Variants in BCL2L13 observed in about 807,000 individuals in gnomAD.
The protein encoded by BCL2L13 is bcl-2-like protein 13.
BCL2L13 carries 13 observed loss-of-function variants against 25.8 expected under a neutral mutation model. The observed-to-expected ratio is 0.50, with a 90% CI of 0.33 to 0.80. BCL2L13 has a LOEUF of 0.80. Ranked by LOEUF, BCL2L13 falls within the 30% of genes least tolerant of loss-of-function variation. BCL2L13 has a pLI of 0.02. For missense variants in BCL2L13, 504 were observed against 574.9 expected, an observed-to-expected ratio of 0.88 and a Z score of 1.26; for synonymous variants, 244 against 230.3, an observed-to-expected ratio of 1.06 and a Z score of -0.54.
At chr22:17,693,372 G>GTTTGGTTT (rs1284865411) in intron 4 of BCL2L13, among the ~76,000 whole-genome samples, 1,154 of 70,604 alleles carry the variant, frequency 0.016, 83 homozygotes, top group African/African-American at 0.057. Flanking sequence ...TTTAGTGTTT[G>GTTTGGTTT]TTTTTTTTTT....
Position 17,727,847 on chromosome 22 carries a change from T to G in BCL2L13, c.*313T>G. The G allele has an allele frequency of 2.7e-6, 1 of 372,196 alleles. No homozygotes were observed. Among genetic ancestry groups the G allele is most frequent in the Non-Finnish European group, 5.0e-6 (1 of 200,996 alleles). The allele number at this position is 372,196 out of a possible 1,614,324, so 23.1% of individuals were successfully genotyped here. ...ACCATTCTCTGTGTTGGGGCTGTCC[T>G]GTGTGTGGTGGGCTCCACCCACTAG... is the stretch of plus-strand genomic sequence containing the variant. On this transcript the variant is annotated 3_prime_UTR_variant, in exon 7 of 7. Transcript: ENST00000317582.
rs2061363350 is a variant in BCL2L13, at chr22:17,729,206, T to C, written c.*1672T>C. The C allele has an allele frequency of 6.6e-6, 1 of 152,244 alleles. No individual in the cohort carries two copies. 9.4% of individuals were successfully genotyped at this position (152,244 alleles called of 1,614,324 possible). ...TTCAAATAAAATCTCCCTAAAGCAA[T>C]ATTTAAAAATTGGTCAAAACAAGGT... On this transcript the variant is annotated 3_prime_UTR_variant, in exon 7 of 7. Transcript: ENST00000317582.
chr22:17,630,514 G>A (rs1256193251), intron 1 of BCL2L13, among the ~76,000 whole-genome samples: 2 of 151,378 alleles, frequency 1.3e-5, no homozygotes, highest in Admixed American at 6.6e-5. Context: ...TGCTGACCTC[G>A]TGATCCACCT....
intron 1 of BCL2L13, among the ~76,000 whole-genome samples, chr22:17,631,004 A>G (rs1183404505): frequency 6.6e-6 from 1 of 152,042 alleles, no homozygotes; most frequent in African/African-American, 2.4e-5. Flanking sequence ...ATTAGTGATC[A>G]TGTCTTTTTA....
At chr22:17,630,046 C>T (rs1031421769) in intron 1 of BCL2L13, among the ~76,000 whole-genome samples, 2 of 151,804 alleles carry the variant, frequency 1.3e-5, no homozygotes, top group Non-Finnish European at 2.9e-5. Context: ...TGGAGAAACC[C>T]CAGTCTCTAC....
chr22:17,674,150 G>C (rs1297796177), intron 2 of BCL2L13, among the ~76,000 whole-genome samples: 1 of 152,152 alleles, frequency 6.6e-6, no homozygotes, highest in Non-Finnish European at 1.5e-5. Flanking sequence ...AATGTTTAAG[G>C]TCAGTGATAG....
upstream of BCL2L13, among the ~76,000 whole-genome samples, chr22:17,636,295 C>T (rs2058104752): frequency 6.7e-6 from 1 of 150,200 alleles, no homozygotes; most frequent in South Asian, 2.1e-4. Flanking sequence ...TGCACTCCAG[C>T]CCAGGCAACA....
At chr22:17,717,380 C>CAAAAAAAAAAAAGAAAA (rs371314290) in intron 6 of BCL2L13, among the ~76,000 whole-genome samples, 1 of 126,256 alleles carries the variant, frequency 7.9e-6, no homozygotes. Flanking sequence ...GACTCTGTCT[C>CAAAAAAAAAAAAGAAAA]AAAAAAGATC....
At position 17,728,372 on chromosome 22, in the gene BCL2L13, G is replaced by A. The variant is rs552880066; in HGVS notation, c.*838G>A. On this transcript the variant is annotated 3_prime_UTR_variant, in exon 7 of 7. Transcript: ENST00000317582. ...AAGGAGACCTGGGGTCCCCACTTGT[G>A]AGTGCAACTGCAAGTAACTCTGGCT... The A allele has an allele frequency of 6.6e-5, 10 of 152,362 alleles. No individual in the cohort carries two copies. The highest frequency in any genetic ancestry group is 3.9e-4 in the East Asian group (2 of 5,178). The allele number at this position is 152,362 out of a possible 1,614,324, so 9.4% of individuals were successfully genotyped here.
chr22:17,648,166 T>G (rs78895167), intron 1 of BCL2L13, among the ~76,000 whole-genome samples: 5 of 151,998 alleles, frequency 3.3e-5, no homozygotes, highest in African/African-American at 1.2e-4. Flanking sequence ...AATATACTTA[T>G]TAGACACTGC....
At chr22:17,706,991 G>A (rs2060612379) in intron 6 of BCL2L13, among the ~76,000 whole-genome samples, 1 of 152,142 alleles carries the variant, frequency 6.6e-6, no homozygotes, top group African/African-American at 2.4e-5. Flanking sequence ...TTGACATGAA[G>A]CTTCTGATTT....
chr22:17,648,060 G>T (rs1423909067), intron 1 of BCL2L13, among the ~76,000 whole-genome samples: 2 of 151,842 alleles, frequency 1.3e-5, no homozygotes, highest in African/African-American at 4.8e-5. Flanking sequence ...AACCCAGGAG[G>T]CGAAGGTTGC....
chr22:17,684,187 T>G (rs532635660), intron 3 of BCL2L13, among the ~76,000 whole-genome samples: 57 of 152,264 alleles, frequency 3.7e-4, no homozygotes, highest in Admixed American at 3.5e-3. Flanking sequence ...CAGTTCAGTC[T>G]GGGCACAGGG....
In BCL2L13 at chr22:17,662,431, T is replaced by A. The variant is rs998737602; in HGVS notation, c.121+6599T>A. Among the ~76,000 whole-genome samples the A allele has an allele frequency of 9.2e-5, 14 of 152,298 alleles. No individual in the cohort carries two copies. In the East Asian group the frequency reaches 2.5e-3, roughly 27 times the overall value. Reference sequence around the variant, plus strand: ...AGGCAGAGGTTGCAGTGAGCTGAGATCGTGCCACTGCACTCCAGCCTAGGC... The same window carrying A: ...AGGCAGAGGTTGCAGTGAGCTGAGAACGTGCCACTGCACTCCAGCCTAGGC... On this transcript the variant is annotated intron_variant, in intron 2 of 6. Transcript: ENST00000317582.
chr22:17,640,654 C>T (rs1446057590), intron 1 of BCL2L13, among the ~76,000 whole-genome samples: 1 of 150,676 alleles, frequency 6.6e-6, no homozygotes. Context: ...CCCGGGAGTT[C>T]GAGACCAGCC....
At chr22:17,643,031 C>T (rs73376758) in intron 1 of BCL2L13, among the ~76,000 whole-genome samples, 8,087 of 152,196 alleles carry the variant, frequency 0.053, 352 homozygotes, top group African/African-American at 0.12. Flanking sequence ...ATACAGGAAG[C>T]CTAATTATTG....
chr22:17,642,155 C>T (rs1436824206), intron 1 of BCL2L13, among the ~76,000 whole-genome samples: 1 of 99,586 alleles, frequency 1.0e-5, no homozygotes, highest in Non-Finnish European at 1.9e-5. Flanking sequence ...TTTTTTGAGA[C>T]GGAGTCTCAC....
intron 5 of BCL2L13, among the ~76,000 whole-genome samples, chr22:17,699,339 T>G (rs1405183874): frequency 6.6e-6 from 1 of 152,212 alleles, no homozygotes; most frequent in African/African-American, 2.4e-5. Context: ...TGAAAGGGAC[T>G]CTCAGAACTA....
chr22:17,719,037 C>G (rs1045239995), intron 6 of BCL2L13, among the ~76,000 whole-genome samples: 1 of 151,324 alleles, frequency 6.6e-6, no homozygotes, highest in Non-Finnish European at 1.5e-5. Context: ...GCCTGTAATC[C>G]CAGCTACTTG....
Sources: allele counts gnomAD v4.1 joint callset (sites outside exome capture counted in the v4.1 genomes callset), GRCh38; gene constraint gnomAD v4.1.1; transcripts MANE v1.5; gene names NCBI Gene and HGNC (gene_info 2026-07-23, HGNC 2026-07-21).